Variants in MYH7 observed in about 807,000 individuals in gnomAD.
MYH7 encodes the protein myosin-7.
Under a neutral mutation model 225.4 loss-of-function variants are expected in MYH7, and 129 were observed. That is an observed-to-expected ratio of 0.57 (90% CI 0.50 to 0.66). The LOEUF (loss-of-function observed/expected upper bound fraction) is 0.66. Among genes scored for constraint, MYH7 ranks in the 30% least tolerant of loss-of-function variants. The pLI is 0.00. For synonymous variants in MYH7, 971 were observed against 1,007.6 expected (o/e 0.96, Z 0.69); for missense variants, 1,649 against 2,517.0 (o/e 0.66, Z 7.38).
chr14:23,418,038 T>C (rs1457323485), intron 30 of MYH7, 172 bp downstream of exon 30: 2 of 1,064,834 alleles, frequency 1.9e-6, no homozygotes, highest in Non-Finnish European at 2.9e-6. Flanking sequence ...AGAAACATAA[T>C]TCGAGCAAAA....
At chr14:23,422,433 A>G in intron 24 of MYH7, 108 bp from the exon 25 acceptor site, 1 of 1,517,570 alleles carries the variant, frequency 6.6e-7, no homozygotes, top group Non-Finnish European at 9.0e-7. Context: ...AGGACTTGGG[A>G]AACCTTCCCC....
chr14:23,428,884 C>T, intron 14 of MYH7, 71 bp downstream of exon 14: 2 of 1,611,064 alleles, frequency 1.2e-6, no homozygotes, highest in Non-Finnish European at 1.7e-6. Context: ...ACAGCTGGCT[C>T]TAAGCAAATA....
intron 25 of MYH7, chr14:23,421,618 T>C (rs1439213150): frequency 9.3e-6 from 4 of 431,382 alleles, no homozygotes; most frequent in Non-Finnish European, 9.3e-6. Context: ...GTCCTGAGCC[T>C]GAAACACCAT....
rs1470520864 is a variant in MYH7 at position 23,432,799 on chromosome 14, G to C, written c.346-4C>G. On this transcript the variant is annotated splice_polypyrimidine_tract_variant and splice_region_variant and intron_variant, in intron 4 of 39. Transcript: ENST00000355349. Reference sequence around the variant, plus strand: ...CACAGAAGAGGCCCGAGTAGGTCTGGGGATAGAAAAGGAGCAGTGACTTGC... The same window carrying C: ...CACAGAAGAGGCCCGAGTAGGTCTGCGGATAGAAAAGGAGCAGTGACTTGC... 2 of 1,614,166 alleles carry C rather than the reference G, an allele frequency of 1.2e-6. No homozygotes were observed. Among genetic ancestry groups the C allele is most frequent in the South Asian group, 2.2e-5 (2 of 91,090 alleles).
Position 23,417,003 on chromosome 14 carries a change from A to G in MYH7, c.4520-11T>C, listed in dbSNP as rs778736821. ...AGTCGGAGATCTCCTCTGTGTGGGG[A>G]ACACGGTAACTCGGTTGAGGGCTGC... On this transcript the variant is annotated splice_polypyrimidine_tract_variant and intron_variant, in intron 32 of 39. Transcript: ENST00000355349. 9.9e-6 allele frequency: 16 copies of G among 1,614,022 alleles called. No individual in the cohort carries two copies. Among genetic ancestry groups the G allele is most frequent in the Non-Finnish European group, 1.0e-5 (12 of 1,180,038 alleles).
Position 23,419,166 on chromosome 14 carries a change from C to G in MYH7, c.3972+11G>C, listed in dbSNP as rs769345883. The G allele has an allele frequency of 3.1e-6, 5 of 1,613,924 alleles. No individual in the cohort carries two copies. The highest frequency in any genetic ancestry group is 4.2e-6 in the Non-Finnish European group (5 of 1,179,790). ...CTTGCTTGGGCCAGGTGGCCCGAGT[C>G]TAGCCCTTACCTTAACCTCCTCCTC... On this transcript the variant is annotated intron_variant, in intron 29 of 39. Coordinates refer to ENST00000355349, the MANE Select transcript of MYH7 (RefSeq NM_000257.4).
rs1417625163 is a variant in MYH7 at position 23,419,505 on chromosome 14, C to A, written c.3831G>T (p.Arg1277=). 11 of 1,614,092 alleles carry A rather than the reference C, an allele frequency of 6.8e-6. No homozygotes were observed. The highest frequency in any genetic ancestry group is 1.3e-5 in the African/African-American group (1 of 75,014). Residue 1277 remains arginine, a synonymous_variant, in exon 28 of 40, where the codon CGG becomes CGT. Transcript: ENST00000355349. ...QRSVNDLTSQ[R]AKLQTENGEL... ...CACCATTCTCGGTTTGCAACTTGGC[C>A]CGCTGGCTGGTGAGGTCGTTGACAG...
At position 23,425,196 on chromosome 14, in the gene MYH7, G is replaced by A. The variant is rs1382994772; in HGVS notation, c.2423+86C>T. ...CCTCCTGCAGGTCTCTGTGTTTGAA[G>A]ATCTGCTGAGCTTTTTTTCCTGACA... On this transcript the variant is annotated intron_variant, in intron 21 of 39. Coordinates refer to ENST00000355349, the MANE Select transcript of MYH7 (RefSeq NM_000257.4). The surrounding 1 kb of genome is among the most constrained non-coding windows in gnomAD (Gnocchi z 4.6). 5.0e-6 allele frequency: 8 copies of A among 1,610,604 alleles called. No individual in the cohort carries two copies. In the East Asian group the frequency reaches 1.8e-4, roughly 36 times the overall value.
Position 23,433,567 on chromosome 14 carries a change from C to T in MYH7, c.166G>A (p.Gly56Ser), listed in dbSNP as rs759500431. ...FVKAKIVSRE[G>S]GKVTAETEYG... ...TCGGTCTCGGCAGTGACTTTGCCAC[C>T]CTCTCGAGACACGATCTTGGCCTTG... The change falls in exon 3 of 40, where the codon GGT becomes AGT. Residue 56 changes from glycine (G) to serine (S), a missense_variant. By Grantham distance (56) the Gly-to-Ser change is moderately conservative. Transcript: ENST00000355349. This position sits in a 1 kb window ranked among gnomAD's most constrained non-coding sequence, Gnocchi z 4.1. 12 of 1,614,070 alleles carry T rather than the reference C, an allele frequency of 7.4e-6. No homozygotes were observed. In the Admixed American group the frequency reaches 1.0e-4, roughly 13 times the overall value.
intron 14 of MYH7, 42 bp downstream of exon 14, chr14:23,428,913 G>A (rs45592847): frequency 1.1e-5 from 18 of 1,613,886 alleles, no homozygotes; most frequent in East Asian, 4.5e-5. Flanking sequence ...ATGTGGGAGC[G>A]AGTGAGTGAT....
intron 30 of MYH7, chr14:23,417,898 T>C: frequency 1.1e-6 from 1 of 884,080 alleles, no homozygotes; most frequent in Admixed American, 1.7e-5. Context: ...GCCCAGCCTC[T>C]GCGCTATGGA....
rs369187721 is a variant in MYH7 at position 23,431,730 on chromosome 14, G to A, written c.639+31C>T. 6.9e-4 allele frequency: 1,115 copies of A among 1,614,098 alleles called. 5 individuals carry two copies. The African/African-American group carries it at 0.01, about 15-fold the overall frequency. ...AGAGCTCTTCTCCCTCCCTTTCTGCGGTACAGGACCTTGGAGGGCAGCAGG... is the reference window on the plus strand; with the variant it reads ...AGAGCTCTTCTCCCTCCCTTTCTGCAGTACAGGACCTTGGAGGGCAGCAGG... On this transcript the variant is annotated intron_variant, in intron 7 of 39. Transcript: ENST00000355349.
rs1892982059 is a variant in MYH7 at position 23,432,358 on chromosome 14, A to G, written c.530+121T>C. 13 of 1,227,086 alleles carry G rather than the reference A, an allele frequency of 1.1e-5. 1 individual carries two copies. The South Asian group carries it at 1.3e-4, about 13-fold the overall frequency. 76.0% of individuals were successfully genotyped at this position (1,227,086 alleles called of 1,614,324 possible). A position where few individuals can be genotyped will look rare whatever the true frequency, so the allele number is the denominator to read the frequency against. On this transcript the variant is annotated intron_variant, in intron 6 of 39. Coordinates refer to ENST00000355349, the MANE Select transcript of MYH7 (RefSeq NM_000257.4). ...AGGGTAATGGTCAGAGAAGAAGGAG[A>G]TGGGCACGAGGTTGGGGGGAAAGAG...
chr14:23,422,775 C>T (rs969085992), intron 24 of MYH7, among the ~76,000 whole-genome samples: 10 of 151,860 alleles, frequency 6.6e-5, no homozygotes, highest in African/African-American at 2.2e-4. Context: ...GGACTACAGG[C>T]GCACGCCACC....
rs757287735 is a variant in MYH7, at chr14:23,431,009, G to T, written c.797-10C>A. 3.9e-5 allele frequency: 62 copies of T among 1,590,732 alleles called. No individual in the cohort carries two copies. Among genetic ancestry groups the T allele is most frequent in the Non-Finnish European group, 4.9e-5 (57 of 1,158,724 alleles). ...GATTTTTCCAGAAGATCTGTGAACA[G>T]GTGGGGAGAAGAAGGAGAGAAAGAA... On this transcript the variant is annotated splice_polypyrimidine_tract_variant and intron_variant, in intron 9 of 39. Transcript: ENST00000355349.
rs764058571 is a variant in MYH7 at position 23,417,256 on chromosome 14, C to T, written c.4416G>A (p.Lys1472=). 1.2e-6 allele frequency: 2 copies of T among 1,614,204 alleles called. No individual in the cohort carries two copies. Among genetic ancestry groups the T allele is most frequent in the East Asian group, 2.2e-5 (1 of 44,870 alleles). The change falls in exon 32 of 40, where the codon AAG becomes AAA. Residue 1472 remains lysine (K), a synonymous_variant. Coordinates refer to ENST00000355349, the MANE Select transcript of MYH7 (RefSeq NM_000257.4). ...ESQSELESSQ[K]EARSLSTELF... ...GCTCTGTGCTGAGGGAGCGAGCCTC[C>T]TTCTGCGAGGACTCCAGCTCCGACT...
Position 23,421,003 on chromosome 14 carries a change from T to C in MYH7, c.3291A>G (p.Glu1097=), listed in dbSNP as rs1315953476. The C allele has an allele frequency of 1.9e-6, 3 of 1,612,752 alleles. No individual in the cohort carries two copies. Among genetic ancestry groups the C allele is most frequent in the Non-Finnish European group, 2.5e-6 (3 of 1,180,012 alleles). The change falls in exon 26 of 40, where the codon GAA becomes GAG. Residue 1097 remains glutamate (E), a synonymous_variant. Transcript: ENST00000355349. ...LNALNARIED[E]QALGSQLQKK... is the part of the protein sequence containing the mutation. Reference sequence around the variant, plus strand: ...TCTGCAGCTGGCTGCCGAGGGCCTGTTCATCCTCAATCCTTGCGTTGAGAG... The same window carrying C: ...TCTGCAGCTGGCTGCCGAGGGCCTGCTCATCCTCAATCCTTGCGTTGAGAG...
At chr14:23,417,346 G>A in intron 31 of MYH7, 28 bp from the exon 32 acceptor site, 4 of 1,612,568 alleles carry the variant, frequency 2.5e-6, no homozygotes, top group Non-Finnish European at 3.4e-6. Context: ...TCACTCTTCA[G>A]CCCCCCAGCC....
intron 25 of MYH7, chr14:23,421,693 C>G: frequency 1.1e-6 from 1 of 949,088 alleles, no homozygotes; most frequent in Non-Finnish European, 1.3e-6. Context: ...AAAGTCTATA[C>G]ATTTTGGAAG....
Sources: allele counts gnomAD v4.1 joint callset (sites outside exome capture counted in the v4.1 genomes callset), GRCh38; gene constraint gnomAD v4.1.1; non-coding constraint Gnocchi (gnomAD v3.1); transcripts MANE v1.5; gene names NCBI Gene and HGNC (gene_info 2026-07-23, HGNC 2026-07-21).